Variants in GRIK3 observed in about 807,000 individuals in gnomAD.
The protein encoded by GRIK3 is glutamate ionotropic receptor kainate type subunit 3.
GRIK3 carries 29 observed loss-of-function variants against 102.5 expected under a neutral mutation model. That is an observed-to-expected ratio of 0.28 (90% CI 0.21 to 0.39). The LOEUF (loss-of-function observed/expected upper bound fraction) is 0.39. Ranked by LOEUF, GRIK3 falls within the 10% of genes least tolerant of loss-of-function variation. The probability of loss-of-function intolerance (pLI) is 1.00; values close to 1 mark genes in which losing one functional copy is unlikely to be tolerated. For missense variants in GRIK3, 908 were observed against 1,252.4 expected, an observed-to-expected ratio of 0.73 and a Z score of 4.15; for synonymous variants, 511 against 504.9, an observed-to-expected ratio of 1.01 and a Z score of -0.16.
intron 1 of GRIK3, among the ~76,000 whole-genome samples, chr1:36,994,973 G>C (rs911162215): frequency 2.0e-5 from 3 of 152,054 alleles, no homozygotes; most frequent in Admixed American, 6.6e-5. Context: ...ACAAACAGCA[G>C]ACCAAAGAGA....
At chr1:36,864,218 G>C (rs1386857267) in intron 5 of GRIK3, among the ~76,000 whole-genome samples, 1 of 152,136 alleles carries the variant, frequency 6.6e-6, no homozygotes, top group African/African-American at 2.4e-5. Flanking sequence ...GGAGAGGGTT[G>C]GTAAACTGCC....
intron 1 of GRIK3, among the ~76,000 whole-genome samples, chr1:37,005,954 AG>A (rs1292053712): frequency 6.6e-6 from 1 of 152,124 alleles, no homozygotes; most frequent in Non-Finnish European, 1.5e-5. Context: ...AGGGTTTCTC[AG>A]GGAGGGTGAG....
chr1:36,801,721 G>C lies in GRIK3; in HGVS notation c.*130C>G. On this transcript the variant is annotated 3_prime_UTR_variant, in exon 16 of 16. Coordinates refer to ENST00000373091, the MANE Select transcript of GRIK3 (RefSeq NM_000831.4). The stretch of plus-strand genomic sequence containing the variant: ...GCTTCCTGGCAGGTAAGGGCAGGAG[G>C]CTCCTGGCCCAACAGGCAGGTGGCA... 7 of 700,822 alleles carry C rather than the reference G, an allele frequency of 1.0e-5. No individual in the cohort carries two copies. Among genetic ancestry groups the C allele is most frequent in the Non-Finnish European group, 1.6e-5 (7 of 451,424 alleles). 43.4% of individuals were successfully genotyped at this position (700,822 alleles called of 1,614,324 possible).
intron 1 of GRIK3, among the ~76,000 whole-genome samples, chr1:36,895,878 C>T (rs1037388992): frequency 1.1e-4 from 17 of 151,708 alleles, no homozygotes; most frequent in Admixed American, 5.3e-4. Context: ...CCAACAAGCC[C>T]GAAGAAAAAT....
At position 36,842,787 on chromosome 1, in the gene GRIK3, T is replaced by C. The variant is rs557853845; in HGVS notation, c.1327-848A>G. Among the ~76,000 whole-genome samples the C allele has an allele frequency of 5.9e-5, 9 of 152,310 alleles. No homozygotes were observed. In the South Asian group the frequency reaches 1.9e-3, roughly 32 times the overall value. On this transcript the variant is annotated intron_variant, in intron 9 of 15. Transcript: ENST00000373091. Reference sequence around the variant, plus strand: ...GGTATGAATAATCCCATTTTATAGATGCAGAAAGTGAAGTTCATGAGGATA... The same window carrying C: ...GGTATGAATAATCCCATTTTATAGACGCAGAAAGTGAAGTTCATGAGGATA...
At chr1:37,031,135 A>T (rs1487354284) in intron 1 of GRIK3, among the ~76,000 whole-genome samples, 1 of 152,218 alleles carries the variant, frequency 6.6e-6, no homozygotes, top group Non-Finnish European at 1.5e-5. Flanking sequence ...CGACGATAAT[A>T]ATAATAAAAT....
intron 15 of GRIK3, among the ~76,000 whole-genome samples, chr1:36,804,109 TC>T (rs1213681541): frequency 6.6e-6 from 1 of 152,234 alleles, no homozygotes; most frequent in African/African-American, 2.4e-5. Context: ...TCGAGTATTA[TC>T]TTTCCCCCTC....
At chr1:36,926,951 C>A (rs190068250) in intron 1 of GRIK3, among the ~76,000 whole-genome samples, 2 of 152,158 alleles carry the variant, frequency 1.3e-5, no homozygotes, top group African/African-American at 2.4e-5. Flanking sequence ...GAATTTCAGA[C>A]GTCATAGAGC....
At chr1:37,028,033 T>C (rs985000999) in intron 1 of GRIK3, among the ~76,000 whole-genome samples, 25 of 152,148 alleles carry the variant, frequency 1.6e-4, no homozygotes, top group Non-Finnish European at 3.1e-4. Flanking sequence ...ATGTGACTCT[T>C]GCTTAAAAAT....
chr1:36,937,030 G>A (rs975200388), intron 1 of GRIK3, among the ~76,000 whole-genome samples: 1 of 152,112 alleles, frequency 6.6e-6, no homozygotes. Flanking sequence ...GGAGGATATC[G>A]GGCTGTCCTC....
intron 5 of GRIK3, among the ~76,000 whole-genome samples, chr1:36,865,834 G>A (rs1640778788): frequency 6.6e-6 from 1 of 152,190 alleles, no homozygotes; most frequent in African/African-American, 2.4e-5. Context: ...AAAGTGCCCT[G>A]TTGCTGGCCT....
chr1:36,981,039 T>C (rs1642243544), intron 1 of GRIK3, among the ~76,000 whole-genome samples: 4 of 152,224 alleles, frequency 2.6e-5, no homozygotes, highest in Admixed American at 2.0e-4. Context: ...CAGCACTAAG[T>C]GTTTTACGTG....
chr1:36,885,105 AT>A (rs1641023597), intron 2 of GRIK3, among the ~76,000 whole-genome samples: 1 of 152,370 alleles, frequency 6.6e-6, no homozygotes, highest in East Asian at 1.9e-4. Context: ...TGGTGACGGC[AT>A]TGCTGAGGGT....
intron 1 of GRIK3, among the ~76,000 whole-genome samples, chr1:37,004,687 T>A (rs1225281118): frequency 6.6e-6 from 1 of 152,220 alleles, no homozygotes; most frequent in Admixed American, 6.5e-5. Flanking sequence ...TGCGTATGTG[T>A]GTCCTCAAAA....
intron 1 of GRIK3, among the ~76,000 whole-genome samples, chr1:36,931,043 C>T (rs1250970883): frequency 6.6e-6 from 1 of 152,218 alleles, no homozygotes; most frequent in Non-Finnish European, 1.5e-5. Context: ...GCCTGCCTTT[C>T]TGGTCACCAT....
At chr1:36,859,041 A>C in intron 7 of GRIK3, 67 bp downstream of exon 7, 30 of 1,348,360 alleles carry the variant, frequency 2.2e-5, no homozygotes, top group Non-Finnish European at 3.1e-5. Flanking sequence ...CTCCCAGACC[A>C]CTCTGCTGCT....
At chr1:36,879,752 G>C (rs1640945464) in intron 3 of GRIK3, among the ~76,000 whole-genome samples, 1 of 152,210 alleles carries the variant, frequency 6.6e-6, no homozygotes, top group Non-Finnish European at 1.5e-5. Context: ...AGCTCTAGCT[G>C]GCAGAGCATG....
chr1:36,968,247 G>A (rs1477214935), intron 1 of GRIK3, among the ~76,000 whole-genome samples: 2 of 151,154 alleles, frequency 1.3e-5, no homozygotes, highest in African/African-American at 4.9e-5. Context: ...GTGTGTGTGT[G>A]TGTGTGTGTG....
intron 1 of GRIK3, among the ~76,000 whole-genome samples, chr1:36,910,404 G>A (rs2124294366): frequency 6.6e-6 from 1 of 152,360 alleles, no homozygotes; most frequent in East Asian, 1.9e-4. Context: ...TTCTGATCAG[G>A]GTTCTCTTTG....
Sources: allele counts gnomAD v4.1 joint callset (sites outside exome capture counted in the v4.1 genomes callset), GRCh38; gene constraint gnomAD v4.1.1; transcripts MANE v1.5; gene names NCBI Gene and HGNC (gene_info 2026-07-23, HGNC 2026-07-21).